Variants in LRMDA observed in about 807,000 individuals in gnomAD.
The protein encoded by LRMDA is leucine rich melanocyte differentiation associated.
A neutral mutation model predicts 29.8 loss-of-function variants in LRMDA; 18 were observed. The observed-to-expected ratio is 0.60, with a 90% CI of 0.42 to 0.90. The LOEUF (loss-of-function observed/expected upper bound fraction) is 0.90. Among genes scored for constraint, LRMDA ranks in the 40% least tolerant of loss-of-function variants. The pLI is 0.00. For synonymous variants in LRMDA, 125 were observed against 109.4 expected (o/e 1.14, Z -0.89); for missense variants, 273 against 273.9 (o/e 1.00, Z 0.02).
In LRMDA at chr10:75,790,856, A is replaced by G. The variant is rs115048378; in HGVS notation, c.132-245152A>G. ...GGAGTTACTTTGAGACAAGCTATCT[A>G]AGAACTGCAATATCCTCTGTGGGGA... On this transcript the variant is annotated intron_variant, in intron 2 of 6. Transcript: ENST00000611255. Among the ~76,000 whole-genome samples the G allele has an allele frequency of 4.8e-3, 726 of 152,344 alleles. 4 individuals carry two copies. The highest frequency in any genetic ancestry group is 0.016 in the African/African-American group (685 of 41,586).
At chr10:76,514,756 A>T (rs920461147) in intron 6 of LRMDA, among the ~76,000 whole-genome samples, 12 of 152,280 alleles carry the variant, frequency 7.9e-5, no homozygotes, top group African/African-American at 2.6e-4. Flanking sequence ...CAAATATCAA[A>T]ACTGGAATCA....
chr10:75,452,862 T>G (rs1305283837), intron 2 of LRMDA, among the ~76,000 whole-genome samples: 1 of 152,258 alleles, frequency 6.6e-6, no homozygotes, highest in Non-Finnish European at 1.5e-5. Context: ...ACTTGGACAC[T>G]GCTTAGTGTG....
intron 2 of LRMDA, among the ~76,000 whole-genome samples, chr10:75,691,358 T>G (rs1172872810): frequency 3.3e-5 from 5 of 151,720 alleles, no homozygotes; most frequent in African/African-American, 7.3e-5. Context: ...CTAACTAATA[T>G]AGCATAGGTA....
At chr10:76,174,326 T>C (rs991465405) in intron 5 of LRMDA, among the ~76,000 whole-genome samples, 2 of 152,044 alleles carry the variant, frequency 1.3e-5, no homozygotes, top group Non-Finnish European at 2.9e-5. Context: ...TTTTAAAAAA[T>C]TATGAGAAAA....
intron 6 of LRMDA, among the ~76,000 whole-genome samples, chr10:76,359,831 T>C (rs1285152745): frequency 6.6e-6 from 1 of 152,154 alleles, no homozygotes; most frequent in Non-Finnish European, 1.5e-5. Flanking sequence ...TGGATAATAA[T>C]AGAAAAATTC....
At chr10:75,884,277 G>GTGTGTGTGTA (rs1845345176) in intron 2 of LRMDA, among the ~76,000 whole-genome samples, 1 of 150,612 alleles carries the variant, frequency 6.6e-6, no homozygotes, top group Non-Finnish European at 1.5e-5. Flanking sequence ...GTGTGTGTGT[G>GTGTGTGTGTA]TGTGTGTGTG....
At chr10:76,275,212 G>C (rs1840116204) in intron 5 of LRMDA, among the ~76,000 whole-genome samples, 1 of 152,036 alleles carries the variant, frequency 6.6e-6, no homozygotes, top group South Asian at 2.1e-4. Flanking sequence ...TATTGAATGT[G>C]ATTCTGGATA....
intron 2 of LRMDA, among the ~76,000 whole-genome samples, chr10:75,596,663 AC>A (rs1279046806): frequency 6.6e-6 from 1 of 152,190 alleles, no homozygotes; most frequent in Non-Finnish European, 1.5e-5. Context: ...ATCATCTTGA[AC>A]ATTGATCATC....
intron 2 of LRMDA, among the ~76,000 whole-genome samples, chr10:75,919,746 A>T (rs186942543): frequency 9.3e-4 from 141 of 152,160 alleles, no homozygotes; most frequent in African/African-American, 3.3e-3. Context: ...TTTTATGGAG[A>T]TGTCTGCCTG....
intron 5 of LRMDA, among the ~76,000 whole-genome samples, chr10:76,100,910 G>A (rs1243824751): frequency 6.6e-6 from 1 of 151,656 alleles, no homozygotes; most frequent in African/African-American, 2.4e-5. Flanking sequence ...GAACCCCTCT[G>A]TGTCTGCAGT....
intron 2 of LRMDA, among the ~76,000 whole-genome samples, chr10:75,937,638 C>T (rs1180917486): frequency 6.6e-6 from 1 of 152,152 alleles, no homozygotes; most frequent in Non-Finnish European, 1.5e-5. Context: ...GGGGGCAGGA[C>T]TGGGTTATAA....
At chr10:75,999,251 T>G (rs1252332200) in intron 2 of LRMDA, among the ~76,000 whole-genome samples, 1 of 152,222 alleles carries the variant, frequency 6.6e-6, no homozygotes, top group African/African-American at 2.4e-5. Context: ...TTCTTTCCAG[T>G]GCGTGGCTCA....
At chr10:76,322,833 A>T (rs1840788217) in intron 5 of LRMDA, among the ~76,000 whole-genome samples, 2 of 152,044 alleles carry the variant, frequency 1.3e-5, no homozygotes, top group Non-Finnish European at 2.9e-5. Flanking sequence ...TGACCCCTGT[A>T]CCCTCACCCC....
intron 6 of LRMDA, among the ~76,000 whole-genome samples, chr10:76,521,562 T>C (rs1353681522): frequency 6.6e-6 from 1 of 152,216 alleles, no homozygotes; most frequent in East Asian, 1.9e-4. Context: ...GTTGTGTAGC[T>C]TTCCTTTCTT....
intron 2 of LRMDA, among the ~76,000 whole-genome samples, chr10:75,863,558 G>A (rs548878548): frequency 2.6e-5 from 4 of 152,260 alleles, no homozygotes; most frequent in East Asian, 3.9e-4. Flanking sequence ...GGTATTTACC[G>A]CTCTGTGCTT....
chr10:76,512,856 G>A (rs937581856), intron 6 of LRMDA, among the ~76,000 whole-genome samples: 10 of 151,922 alleles, frequency 6.6e-5, no homozygotes, highest in African/African-American at 1.9e-4. Flanking sequence ...TAGGTTCGTG[G>A]TATTCCATTT....
At chr10:76,155,627 T>C (rs1472105803) in intron 5 of LRMDA, among the ~76,000 whole-genome samples, 1 of 152,182 alleles carries the variant, frequency 6.6e-6, no homozygotes, top group Non-Finnish European at 1.5e-5. Context: ...ACCTTGTATT[T>C]TGGGATGGTG....
chr10:75,657,555 GC>G (rs1841693631), intron 2 of LRMDA, among the ~76,000 whole-genome samples: 1 of 152,178 alleles, frequency 6.6e-6, no homozygotes, highest in Admixed American at 6.5e-5. Flanking sequence ...TAGTTGTGTG[GC>G]CCTAGGTGGG....
intron 5 of LRMDA, among the ~76,000 whole-genome samples, chr10:76,083,834 A>C (rs1404281758): frequency 2.2e-5 from 1 of 45,454 alleles, no homozygotes; most frequent in Non-Finnish European, 5.6e-5. Flanking sequence ...ACTGCATCTC[A>C]AAAAAAAAAA....
Sources: gnomAD v4.1 joint callset for allele counts (sites outside exome capture counted in the v4.1 genomes callset) on GRCh38, gnomAD v4.1.1 for gene constraint, MANE v1.5 for transcripts, NCBI Gene and HGNC (gene_info 2026-07-23, HGNC 2026-07-21) for gene names.